The following AFAP1 variants were observed in gnomAD, a reference collection of about 807,000 sequenced individuals.
The protein encoded by AFAP1 is actin filament-associated protein 1.
In AFAP1, 75 loss-of-function variants were observed where a neutral mutation model predicts 93.9. The observed-to-expected ratio is 0.80, with a 90% CI of 0.66 to 0.97. AFAP1 has a LOEUF of 0.97. AFAP1 is among the 50% of genes least tolerant of loss of function. AFAP1 has a pLI of 0.00. For synonymous variants in AFAP1, 517 were observed against 430.7 expected (o/e 1.20, Z -2.48); for missense variants, 1,201 against 1,050.8 (o/e 1.14, Z -1.98).
intron 6 of AFAP1, among the ~76,000 whole-genome samples, chr4:7,831,973 A>T (rs1482155639): frequency 6.6e-6 from 1 of 152,170 alleles, no homozygotes; most frequent in Non-Finnish European, 1.5e-5. Flanking sequence ...ATGAAATGTG[A>T]AGCCAGGAAA....
At chr4:7,856,112 CA>C (rs1715031072) in intron 3 of AFAP1, among the ~76,000 whole-genome samples, 1 of 152,180 alleles carries the variant, frequency 6.6e-6, no homozygotes, top group Non-Finnish European at 1.5e-5. Context: ...GAGGCTTGCC[CA>C]CATTCTCACC....
chr4:7,915,002 G>A lies in AFAP1; in HGVS notation c.-3+24654C>T, dbSNP rs544890592. Among the ~76,000 whole-genome samples the A allele has an allele frequency of 1.2e-4, 18 of 152,256 alleles. No homozygotes were observed. In the South Asian group the frequency reaches 3.7e-3, roughly 32 times the overall value. On this transcript the variant is annotated intron_variant, in intron 1 of 17. Transcript: ENST00000420658. ...GACCTCAAATGATCCGCCCACTTCA[G>A]CCTCCCAAAAGTGCTGGGATTACAG...
intron 1 of AFAP1, among the ~76,000 whole-genome samples, chr4:7,897,484 A>T (rs1718852436): frequency 6.6e-6 from 1 of 151,790 alleles, no homozygotes; most frequent in Non-Finnish European, 1.5e-5. Context: ...AGTCTCTTGC[A>T]TTCTGCTTTT....
Position 7,838,650 on chromosome 4 carries a change from G to C in AFAP1, c.600C>G (p.Gly200=). The change falls in exon 6 of 18, where the codon GGC becomes GGG. Residue 200 remains glycine (G), a synonymous_variant. Transcript: ENST00000420658. The stretch of plus-strand genomic sequence containing the variant: ...CTTTCGGGATGTACGTAATGTTACA[G>C]CCTTGGAGTGGCAGTTCCATCTGAG... ...QQPQMELPLQ[G]CNITYIPKDS... is the part of the protein sequence containing the mutation. 1.2e-6 allele frequency: 2 copies of C among 1,614,140 alleles called. No individual in the cohort carries two copies. Among genetic ancestry groups the C allele is most frequent in the South Asian group, 1.1e-5 (1 of 91,074 alleles).
At chr4:7,784,033 G>A (rs576587876) in intron 12 of AFAP1, among the ~76,000 whole-genome samples, 2 of 151,766 alleles carry the variant, frequency 1.3e-5, no homozygotes, top group South Asian at 4.2e-4. Context: ...ACCTGAAGAA[G>A]GGCTCAGGGG....
intron 1 of AFAP1, among the ~76,000 whole-genome samples, chr4:7,922,035 A>C (rs2149237677): frequency 6.6e-6 from 1 of 152,302 alleles, no homozygotes; most frequent in South Asian, 2.1e-4. Flanking sequence ...AGGCAGCAGA[A>C]TCGCTTGAAC....
intron 13 of AFAP1, among the ~76,000 whole-genome samples, chr4:7,780,339 G>A (rs1280774201): frequency 6.6e-6 from 1 of 152,104 alleles, no homozygotes; most frequent in Non-Finnish European, 1.5e-5. Context: ...CGACCTATTG[G>A]GAGCTACTGT....
At chr4:7,857,133 A>G (rs995427404) in intron 3 of AFAP1, among the ~76,000 whole-genome samples, 1 of 152,168 alleles carries the variant, frequency 6.6e-6, no homozygotes, top group Admixed American at 6.5e-5. Flanking sequence ...CAACCTGGGA[A>G]GAGGTATGTT....
chr4:7,794,533 T>G (rs142123870), intron 10 of AFAP1, among the ~76,000 whole-genome samples: 230 of 152,282 alleles, frequency 1.5e-3, no homozygotes, highest in African/African-American at 5.2e-3. Flanking sequence ...TTTATTTATT[T>G]TTTTTTGAGA....
intron 6 of AFAP1, among the ~76,000 whole-genome samples, chr4:7,829,304 A>T (rs112882100): frequency 3.3e-5 from 5 of 152,374 alleles, no homozygotes; most frequent in African/African-American, 1.2e-4. Flanking sequence ...GCTGAACTTA[A>T]GAAGCAATTA....
chr4:7,863,672 C>T (rs73090524), intron 3 of AFAP1, among the ~76,000 whole-genome samples: 4,068 of 152,132 alleles, frequency 0.027, 122 homozygotes, highest in African/African-American at 0.066. Flanking sequence ...GGTGGAAAGA[C>T]GCACCATGTC....
intron 1 of AFAP1, among the ~76,000 whole-genome samples, chr4:7,901,014 G>A (rs548835420): frequency 2.6e-5 from 4 of 152,302 alleles, no homozygotes; most frequent in South Asian, 4.1e-4. Context: ...TTCCTTCTGC[G>A]ATTCCAGCGC....
At chr4:7,778,934 G>A (rs191578883) in intron 13 of AFAP1, 58 bp from the exon 14 acceptor site, 25 of 1,324,208 alleles carry the variant, frequency 1.9e-5, no homozygotes, top group Non-Finnish European at 2.5e-5. Context: ...ACAAATCTTG[G>A]TCTTTTTTTT....
chr4:7,771,482 A>G (rs1715431910), intron 16 of AFAP1, among the ~76,000 whole-genome samples: 1 of 152,246 alleles, frequency 6.6e-6, no homozygotes. Context: ...GTATATAATG[A>G]TATCAACAAG....
chr4:7,800,730 G>GGAGGC lies in AFAP1; in HGVS notation c.1055-82_1055-78dup. On this transcript the variant is annotated intron_variant, in intron 9 of 17. Transcript: ENST00000420658. ...GTGAAGACGTCTAGGGTCACACTGA[G>GGAGGC]GAGGCCCAGGGATGGGAGTGTGGAT... The GGAGGC allele has an allele frequency of 2.9e-6, 4 of 1,391,172 alleles. No individual in the cohort carries two copies. In the Admixed American group the frequency reaches 7.1e-5, roughly 25 times the overall value. The allele number at this position is 1,391,172 out of a possible 1,614,324, so 86.2% of individuals were successfully genotyped here.
At chr4:7,793,864 A>G (rs374081871) in intron 10 of AFAP1, 38 bp from the exon 11 acceptor site, 47 of 1,467,738 alleles carry the variant, frequency 3.2e-5, no homozygotes, top group Non-Finnish European at 4.2e-5. Flanking sequence ...GTATTTAACT[A>G]AAGATTTTTA....
chr4:7,928,068 T>TA (rs1360783936), intron 1 of AFAP1, among the ~76,000 whole-genome samples: 3 of 152,204 alleles, frequency 2.0e-5, no homozygotes, highest in Non-Finnish European at 4.4e-5. Flanking sequence ...AGATGGTAGT[T>TA]AGAGTTACTA....
chr4:7,869,337 A>C (rs1271060369), intron 2 of AFAP1, among the ~76,000 whole-genome samples: 1 of 152,232 alleles, frequency 6.6e-6, no homozygotes, highest in Non-Finnish European at 1.5e-5. Context: ...GCCGTGCTGC[A>C]CCTCAAAGGG....
intron 16 of AFAP1, 120 bp downstream of exon 16, chr4:7,772,700 C>A: frequency 1.1e-6 from 1 of 886,440 alleles, no homozygotes. Flanking sequence ...TTCTGCTGGG[C>A]ACACTAAGGG....
Sources: allele counts gnomAD v4.1 joint callset (sites outside exome capture counted in the v4.1 genomes callset), GRCh38; gene constraint gnomAD v4.1.1; transcripts MANE v1.5; gene names NCBI Gene and HGNC (gene_info 2026-07-23, HGNC 2026-07-21).